CASC3: variants seen among roughly 807,000 people sequenced by gnomAD.
CASC3 encodes protein CASC3.
CASC3 carries 30 observed loss-of-function variants against 80.5 expected under a neutral mutation model. That is an observed-to-expected ratio of 0.37 (90% CI 0.28 to 0.51). The LOEUF (loss-of-function observed/expected upper bound fraction) is 0.51, where lower values mean the gene tolerates loss of function less well. CASC3 is among the 20% of genes least tolerant of loss of function. The pLI, the probability that CASC3 is intolerant of heterozygous loss-of-function variation, is 0.94. For synonymous variants in CASC3, 312 were observed against 333.6 expected, an observed-to-expected ratio of 0.94 and a Z score of 0.70; for missense variants, 824 against 922.2, an observed-to-expected ratio of 0.89 and a Z score of 1.38.
At chr17:40,164,656 A>G (rs1456716172) in intron 7 of CASC3, among the ~76,000 whole-genome samples, 1 of 150,644 alleles carries the variant, frequency 6.6e-6, no homozygotes, top group African/African-American at 2.5e-5. Context: ...CATGTTGGCC[A>G]GGATGGTCTT....
chr17:40,140,921 C>A, intron 1 of CASC3, 142 bp downstream of exon 1: 1 of 699,188 alleles, frequency 1.4e-6, no homozygotes, highest in Non-Finnish European at 2.3e-6. Flanking sequence ...GGAGTTATCC[C>A]AATGCGAGTT....
At chr17:40,159,544 G>GTTT (rs368113645) in intron 3 of CASC3, among the ~76,000 whole-genome samples, 9 of 112,830 alleles carry the variant, frequency 8.0e-5, no homozygotes, top group East Asian at 2.7e-4. Context: ...TTCATTGTGT[G>GTTT]TTTTTTTTTT....
chr17:40,154,984 G>A (rs1303948310), intron 3 of CASC3, among the ~76,000 whole-genome samples: 2 of 151,922 alleles, frequency 1.3e-5, no homozygotes, highest in African/African-American at 4.8e-5. Context: ...CTGCCTCCCG[G>A]GTTCATGCCA....
At chr17:40,144,288 G>A (rs1487220911) in intron 3 of CASC3, among the ~76,000 whole-genome samples, 2 of 151,296 alleles carry the variant, frequency 1.3e-5, no homozygotes, top group African/African-American at 4.9e-5. Context: ...CAAAACTCAT[G>A]TACTACATAA....
intron 5 of CASC3, 92 bp from the exon 6 acceptor site, chr17:40,162,633 T>C: frequency 8.5e-7 from 1 of 1,183,198 alleles, no homozygotes; most frequent in Non-Finnish European, 1.2e-6. Flanking sequence ...AAGTTCCTAT[T>C]GTCCCCCTGC....
At position 40,171,413 on chromosome 17, in the gene CASC3, G is replaced by A. The variant is rs1171113681; in HGVS notation, c.*1008G>A. The A allele has an allele frequency of 1.0e-6, 1 of 985,942 alleles. No individual in the cohort carries two copies. The highest frequency in any genetic ancestry group is 1.2e-6 in the Non-Finnish European group (1 of 830,052). 61.1% of individuals were successfully genotyped at this position (985,942 alleles called of 1,614,324 possible). A position where few individuals can be genotyped will look rare whatever the true frequency, so the allele number is the denominator to read the frequency against. ...GCTACACCCCTTTTCCAGTTGCTGT[G>A]GACCAATGCATCTCTTTAAAGGCAA... On this transcript the variant is annotated 3_prime_UTR_variant, in exon 14 of 14. Transcript: ENST00000264645.
intron 3 of CASC3, among the ~76,000 whole-genome samples, chr17:40,146,427 G>A (rs1010119016): frequency 4.7e-5 from 7 of 149,532 alleles, no homozygotes; most frequent in Admixed American, 6.6e-5. Context: ...CGAGAAGTAC[G>A]ATTTCTTTTT....
At chr17:40,167,972 A>G in intron 10 of CASC3, 24 bp downstream of exon 10, 2 of 1,595,384 alleles carry the variant, frequency 1.3e-6, no homozygotes, top group African/African-American at 1.3e-5. Flanking sequence ...CTCTGCTTAT[A>G]TGCTTCCAGT....
chr17:40,147,598 A>G (rs1988892742), intron 3 of CASC3, among the ~76,000 whole-genome samples: 1 of 152,136 alleles, frequency 6.6e-6, no homozygotes, highest in African/African-American at 2.4e-5. Flanking sequence ...TAGAGCTGTG[A>G]TCACTCCACA....
chr17:40,166,067 G>A (rs1989444057), intron 7 of CASC3, among the ~76,000 whole-genome samples: 1 of 152,072 alleles, frequency 6.6e-6, no homozygotes, highest in Non-Finnish European at 1.5e-5. Flanking sequence ...CATCCAGCCG[G>A]AATTGAACTT....
rs1989492399 is a variant in CASC3 at position 40,167,895 on chromosome 17, C to T, written c.1697C>T (p.Pro566Leu). 15 of 1,614,164 alleles carry T rather than the reference C, an allele frequency of 9.3e-6. No homozygotes were observed. The highest frequency in any genetic ancestry group is 1.3e-5 in the African/African-American group (1 of 75,026). Reference protein sequence around the residue: ...PIYTHGDSPAPLPPQGMLVQP... With the variant: ...PIYTHGDSPALLPPQGMLVQP... ...TATACCCATGGTGACAGCCCTGCCC[C>T]GCTGCCTCCACAGGGCATGCTTGTG... Residue 566 changes from proline (P) to leucine (L), a missense_variant, in exon 10 of 14, where the codon CCG becomes CTG. Pro to Leu is a moderately conservative substitution (Grantham distance 98). Transcript: ENST00000264645.
At chr17:40,162,667 A>C in intron 5 of CASC3, 58 bp from the exon 6 acceptor site, 1 of 1,564,116 alleles carries the variant, frequency 6.4e-7, no homozygotes, top group South Asian at 1.1e-5. Context: ...TTTGTTCAAG[A>C]ACATCTCTAC....
chr17:40,163,359 T>A (rs950302946), intron 6 of CASC3, 122 bp from the exon 7 acceptor site: 11 of 766,130 alleles, frequency 1.4e-5, no homozygotes, highest in Non-Finnish European at 2.3e-5. Flanking sequence ...GGTCTTGAAC[T>A]CCTGGCCTCA....
rs771979816 is a variant in CASC3, at chr17:40,169,365, C to T, written c.2007C>T (p.Pro669=). The T allele has an allele frequency of 5.1e-5, 82 of 1,613,076 alleles. No individual in the cohort carries two copies. The South Asian group carries it at 6.9e-4, about 14-fold the overall frequency. Residue 669 remains proline, a synonymous_variant, in exon 12 of 14, where the codon CCC becomes CCT. Transcript: ENST00000264645. ...ATGGAGGAGTGACCTACTATAACCC[C>T]GCCCAGCAGCAGGTGCAGCCAAAGC... ...QVYGGVTYYN[P]AQQQVQPKPS... is the part of the protein sequence containing the mutation.
intron 3 of CASC3, among the ~76,000 whole-genome samples, chr17:40,143,099 AT>A (rs200686419): frequency 6.0e-5 from 9 of 150,696 alleles, no homozygotes; most frequent in South Asian, 2.1e-4. Flanking sequence ...AAAAAAAAAA[AT>A]AAATAAATAA....
At chr17:40,150,425 T>C (rs1370415504) in intron 3 of CASC3, among the ~76,000 whole-genome samples, 5 of 151,514 alleles carry the variant, frequency 3.3e-5, no homozygotes, top group African/African-American at 9.7e-5. Flanking sequence ...CGTGTGTGTG[T>C]GTGTGTGTGT....
At position 40,168,384 on chromosome 17, in the gene CASC3, C is replaced by T; in HGVS notation, c.1932C>T (p.Pro644=). 4 of 1,614,082 alleles carry T rather than the reference C, an allele frequency of 2.5e-6. No homozygotes were observed. Among genetic ancestry groups the T allele is most frequent in the Non-Finnish European group, 3.4e-6 (4 of 1,179,990 alleles). ...CTTATGCTCCAGGGGCACTGCCTCC[C>T]CCACCACCGCCTCATCTGTATCCTA... ...SYPYAPGALP[P]PPPPHLYPNT... The change falls in exon 11 of 14, where the codon CCC becomes CCT. Residue 644 remains proline, a synonymous_variant. Transcript: ENST00000264645.
intron 3 of CASC3, among the ~76,000 whole-genome samples, chr17:40,149,508 T>A (rs1308421305): frequency 2.6e-5 from 4 of 151,744 alleles, no homozygotes; most frequent in Non-Finnish European, 2.9e-5. Context: ...GGATGTTTTT[T>A]AAAAAGTTAG....
intron 7 of CASC3, among the ~76,000 whole-genome samples, chr17:40,164,750 CTTT>C (rs1022035416): frequency 1.3e-5 from 1 of 74,452 alleles, no homozygotes; most frequent in Non-Finnish European, 2.3e-5. Flanking sequence ...CGTGCCTGGC[CTTT>C]TTTTTTTTTT....
Sources: gnomAD v4.1 joint callset for allele counts (sites outside exome capture counted in the v4.1 genomes callset) on GRCh38, gnomAD v4.1.1 for gene constraint, MANE v1.5 for transcripts, NCBI Gene and HGNC (gene_info 2026-07-23, HGNC 2026-07-21) for gene names.